Variants in PTPRN2 observed in about 807,000 individuals in gnomAD.
PTPRN2 encodes protein tyrosine phosphatase receptor type N2.
Under a neutral mutation model 118.8 loss-of-function variants are expected in PTPRN2, and 74 were observed. That is an observed-to-expected ratio of 0.62 (90% CI 0.52 to 0.76). The LOEUF (loss-of-function observed/expected upper bound fraction) is 0.76, where lower values mean the gene tolerates loss of function less well. Ranked by LOEUF, PTPRN2 falls within the 30% of genes least tolerant of loss-of-function variation. PTPRN2 has a pLI of 0.00. For synonymous variants in PTPRN2, 641 were observed against 608.0 expected (o/e 1.05, Z -0.80); for missense variants, 1,481 against 1,394.4 (o/e 1.06, Z -0.99).
chr7:157,749,462 TGTCCC>T (rs1801296858), intron 12 of PTPRN2, among the ~76,000 whole-genome samples: 1 of 123,972 alleles, frequency 8.1e-6, no homozygotes, highest in Non-Finnish European at 1.7e-5. Flanking sequence ...CTGTGGCCTG[TGTCCC>T]TGAGCTGTGG....
At chr7:157,928,699 C>A (rs917836974) in intron 11 of PTPRN2, among the ~76,000 whole-genome samples, 1 of 3,874 alleles carries the variant, frequency 2.6e-4, no homozygotes, top group Non-Finnish European at 4.7e-4. Context: ...GCACAGAGGG[C>A]GGGATAGGGG....
chr7:158,470,875 C>G (rs1200508119), intron 2 of PTPRN2, among the ~76,000 whole-genome samples: 2 of 151,930 alleles, frequency 1.3e-5, no homozygotes, highest in Admixed American at 6.5e-5. Context: ...GCTCTGTCAC[C>G]CAGGCTGGAG....
At chr7:158,241,837 G>T (rs1412520922) in intron 3 of PTPRN2, among the ~76,000 whole-genome samples, 2 of 152,174 alleles carry the variant, frequency 1.3e-5, no homozygotes, top group African/African-American at 4.8e-5. Context: ...TTAAGTCAAG[G>T]AAATGATACA....
At chr7:158,437,184 A>ACCT (rs1306103621) in intron 2 of PTPRN2, among the ~76,000 whole-genome samples, 4 of 151,998 alleles carry the variant, frequency 2.6e-5, no homozygotes, top group Admixed American at 2.6e-4. Context: ...TTTCCCAGGG[A>ACCT]CCTTCTTCCA....
chr7:158,439,325 T>C (rs963667382), intron 2 of PTPRN2, among the ~76,000 whole-genome samples: 4 of 152,214 alleles, frequency 2.6e-5, no homozygotes, highest in Non-Finnish European at 5.9e-5. Context: ...GTATCATGGA[T>C]GCATCCTTCA....
intron 1 of PTPRN2, among the ~76,000 whole-genome samples, chr7:158,527,974 C>G (rs1343986264): frequency 6.6e-6 from 1 of 152,192 alleles, no homozygotes; most frequent in Non-Finnish European, 1.5e-5. Context: ...AAGCCCATCT[C>G]TGATCCCGCC....
At chr7:158,532,464 C>G (rs936876080) in intron 1 of PTPRN2, among the ~76,000 whole-genome samples, 1 of 152,158 alleles carries the variant, frequency 6.6e-6, no homozygotes, top group Non-Finnish European at 1.5e-5. Context: ...GCAGAGACAG[C>G]CATGAGATTT....
At position 157,917,509 on chromosome 7, in the gene PTPRN2, C is replaced by T. The variant is rs944839871; in HGVS notation, c.1724-18772G>A. Among the ~76,000 whole-genome samples, 7 of 152,158 alleles carry T rather than the reference C, an allele frequency of 4.6e-5. No individual in the cohort carries two copies. In the East Asian group the frequency reaches 5.8e-4, roughly 13 times the overall value. ...CTTCGGTGGAAAGGGAGCATGGCTG[C>T]GCAGTAATAATAGCGGCAGGCTGGG... On this transcript the variant is annotated intron_variant, in intron 11 of 22. Transcript: ENST00000389418.
chr7:158,460,128 C>T (rs1818869280), intron 2 of PTPRN2, among the ~76,000 whole-genome samples: 1 of 119,378 alleles, frequency 8.4e-6, no homozygotes, highest in Non-Finnish European at 1.8e-5. Context: ...GGTCATCCAG[C>T]TGCAGGATGG....
At chr7:158,503,856 C>T (rs886378263) in intron 1 of PTPRN2, among the ~76,000 whole-genome samples, 2 of 152,036 alleles carry the variant, frequency 1.3e-5, no homozygotes, top group African/African-American at 4.8e-5. Flanking sequence ...CAAAAATTAG[C>T]CAGGCGTGGT....
intron 2 of PTPRN2, among the ~76,000 whole-genome samples, chr7:158,376,840 C>T (rs1264788791): frequency 8.3e-5 from 7 of 84,782 alleles, no homozygotes; most frequent in African/African-American, 1.6e-4. Flanking sequence ...ATCCTGCACG[C>T]GGGGTCAGGG....
intron 21 of PTPRN2, among the ~76,000 whole-genome samples, chr7:157,564,900 C>T (rs1231363970): frequency 3.9e-5 from 6 of 152,250 alleles, no homozygotes; most frequent in Admixed American, 6.5e-5. Flanking sequence ...CCGGAAACAA[C>T]GGCACTGTCC....
At chr7:157,706,370 C>T (rs1398029068) in intron 12 of PTPRN2, among the ~76,000 whole-genome samples, 3 of 150,320 alleles carry the variant, frequency 2.0e-5, no homozygotes, top group Non-Finnish European at 4.4e-5. Flanking sequence ...GATCAACATG[C>T]ACTACATCCC....
rs577599427 is a variant in PTPRN2 at position 157,715,812 on chromosome 7, C to T, written c.1789-32875G>A. On this transcript the variant is annotated intron_variant, in intron 12 of 22. Coordinates refer to ENST00000389418, the MANE Select transcript of PTPRN2 (RefSeq NM_002847.5). Reference sequence around the variant, plus strand: ...CAATGCCTGTCAAGATGGAGACAGACTCCTGTGCTGAGGTTGCAGGGTTGC... The same window carrying T: ...CAATGCCTGTCAAGATGGAGACAGATTCCTGTGCTGAGGTTGCAGGGTTGC... 3.3e-5 allele frequency among the ~76,000 whole-genome samples: 5 copies of T among 152,378 alleles called. No individual in the cohort carries two copies. The South Asian group carries it at 1.0e-3, about 32-fold the overall frequency.
intron 11 of PTPRN2, among the ~76,000 whole-genome samples, chr7:158,039,272 G>A (rs140684311): frequency 5.9e-5 from 9 of 152,324 alleles, no homozygotes; most frequent in Non-Finnish European, 1.0e-4. Flanking sequence ...AGTCCAGAAT[G>A]TTGTGGGATG....
intron 2 of PTPRN2, among the ~76,000 whole-genome samples, chr7:158,386,014 AAGTCCCTCCTCCCGTGCCCCG>A (rs774443566): frequency 9.0e-5 from 7 of 77,614 alleles, no homozygotes; most frequent in East Asian, 4.3e-4. Flanking sequence ...CCCGTGCCCC[AAGTCCCTCCTCCCGTGCCCCG>A]AGTCCCTCCT....
intron 3 of PTPRN2, among the ~76,000 whole-genome samples, chr7:158,215,231 G>T (rs4595081): frequency 0.51 from 78,230 of 151,990 alleles, 22,108 homozygotes; most frequent in African/African-American, 0.77. Flanking sequence ...AATAAACAAC[G>T]CAGTGGATGC....
rs1824669059 is a variant in PTPRN2 at position 158,525,096 on chromosome 7, G to A, written c.113-35311C>T. Among the ~76,000 whole-genome samples, 1 of 152,114 alleles carries A rather than the reference G, an allele frequency of 6.6e-6. No individual in the cohort carries two copies. Among genetic ancestry groups the A allele is most frequent in the Admixed American group, 6.5e-5 (1 of 15,270 alleles). On this transcript the variant is annotated intron_variant, in intron 1 of 22. Coordinates refer to ENST00000389418, the MANE Select transcript of PTPRN2 (RefSeq NM_002847.5). This position sits in a 1 kb window ranked among gnomAD's most constrained non-coding sequence, Gnocchi z 4.1. Reference sequence around the variant, plus strand: ...TGCAAGGCTCTGACTGAACCCTCAAGCTGGCCCTCCATGCGAAGAAATGCT... The same window carrying A: ...TGCAAGGCTCTGACTGAACCCTCAAACTGGCCCTCCATGCGAAGAAATGCT...
intron 11 of PTPRN2, among the ~76,000 whole-genome samples, chr7:158,021,790 TG>T (rs1806892136): frequency 6.6e-6 from 1 of 152,228 alleles, no homozygotes; most frequent in East Asian, 1.9e-4. Context: ...CTGCCCAGGC[TG>T]TAGCATTTTA....
Sources: gnomAD v4.1 joint callset for allele counts (sites outside exome capture counted in the v4.1 genomes callset) on GRCh38, gnomAD v4.1.1 for gene constraint, Gnocchi (gnomAD v3.1) non-coding constraint, MANE v1.5 for transcripts, NCBI Gene and HGNC (gene_info 2026-07-23, HGNC 2026-07-21) for gene names.